Variants in CADM2 observed in about 807,000 individuals in gnomAD.
CADM2 encodes the protein immunoglobulin superfamily member 4D.
A neutral mutation model predicts 49.8 loss-of-function variants in CADM2; 12 were observed. The ratio of observed to expected loss-of-function variants is 0.24; its 90% confidence interval spans 0.15 to 0.39. CADM2 has a LOEUF of 0.39. Ranked by LOEUF, CADM2 falls within the 10% of genes least tolerant of loss-of-function variation. CADM2 has a pLI of 1.00. For missense variants in CADM2, 378 were observed against 492.3 expected, an observed-to-expected ratio of 0.77 and a Z score of 2.20; for synonymous variants, 214 against 175.4, an observed-to-expected ratio of 1.22 and a Z score of -1.74.
At chr3:85,242,288 T>A (rs1235503622) in intron 1 of CADM2, among the ~76,000 whole-genome samples, 1 of 151,434 alleles carries the variant, frequency 6.6e-6, no homozygotes, top group Admixed American at 6.6e-5. Flanking sequence ...CTGTTGTGTA[T>A]TTTTTTAATG....
At chr3:85,150,738 T>TAA (rs575341509) in intron 1 of CADM2, among the ~76,000 whole-genome samples, 1 of 142,140 alleles carries the variant, frequency 7.0e-6, no homozygotes, top group African/African-American at 2.6e-5. Flanking sequence ...CCGTCTCTAC[T>TAA]AAAAAAAAAA....
intron 1 of CADM2, among the ~76,000 whole-genome samples, chr3:85,022,962 CAA>C (rs970457166): frequency 3.3e-5 from 5 of 152,056 alleles, no homozygotes; most frequent in Non-Finnish European, 7.4e-5. Context: ...ATATATTATA[CAA>C]GTCTTTATAG....
At chr3:85,173,323 C>A (rs1358820079) in intron 1 of CADM2, among the ~76,000 whole-genome samples, 1 of 152,096 alleles carries the variant, frequency 6.6e-6, no homozygotes, top group Non-Finnish European at 1.5e-5. Context: ...GTTTTAAACT[C>A]TTCAAAATAA....
chr3:85,702,505 G>C (rs1321364035), intron 1 of CADM2, among the ~76,000 whole-genome samples: 1 of 151,916 alleles, frequency 6.6e-6, no homozygotes, highest in Non-Finnish European at 1.5e-5. Context: ...TGTCAATCAG[G>C]TTTCATCTTT....
intron 8 of CADM2, among the ~76,000 whole-genome samples, chr3:85,966,234 G>T (rs896776972): frequency 1.3e-5 from 2 of 151,630 alleles, no homozygotes; most frequent in Non-Finnish European, 2.9e-5. Flanking sequence ...ACTATCAATG[G>T]CAGGTCCAGA....
intron 1 of CADM2, among the ~76,000 whole-genome samples, chr3:85,219,515 A>G (rs1005892206): frequency 1.3e-5 from 2 of 152,320 alleles, no homozygotes; most frequent in Non-Finnish European, 2.9e-5. Context: ...TTATTTTTAT[A>G]TAAAAACCCT....
chr3:85,457,081 A>G (rs943634126), intron 1 of CADM2, among the ~76,000 whole-genome samples: 3 of 151,992 alleles, frequency 2.0e-5, no homozygotes, highest in Admixed American at 2.0e-4. Flanking sequence ...ATCACCCCAA[A>G]CTGTTTATCA....
intron 1 of CADM2, among the ~76,000 whole-genome samples, chr3:85,369,142 A>G (rs1291209423): frequency 6.6e-6 from 1 of 152,244 alleles, no homozygotes; most frequent in Non-Finnish European, 1.5e-5. Context: ...CTTATTTCCA[A>G]TTAAACAGTA....
intron 1 of CADM2, among the ~76,000 whole-genome samples, chr3:85,287,206 C>T (rs577984319): frequency 6.6e-6 from 1 of 151,954 alleles, no homozygotes; most frequent in South Asian, 2.1e-4. Context: ...GATGTTATTC[C>T]TGCATTAGTT....
At chr3:85,537,831 A>G (rs922434263) in intron 1 of CADM2, among the ~76,000 whole-genome samples, 1 of 152,092 alleles carries the variant, frequency 6.6e-6, no homozygotes, top group Non-Finnish European at 1.5e-5. Flanking sequence ...TATATATCAA[A>G]ATTTAACAGC....
chr3:85,166,813 G>T (rs73843301), intron 1 of CADM2, among the ~76,000 whole-genome samples: 1 of 151,736 alleles, frequency 6.6e-6, no homozygotes, highest in Admixed American at 6.6e-5. Context: ...TTAAATACTC[G>T]GATGATGAAA....
intron 1 of CADM2, among the ~76,000 whole-genome samples, chr3:85,526,540 T>A (rs35738543): frequency 1.3e-5 from 2 of 152,028 alleles, no homozygotes; most frequent in Non-Finnish European, 2.9e-5. Context: ...TCAGATGACC[T>A]GGATTAAAAT....
intron 1 of CADM2, among the ~76,000 whole-genome samples, chr3:85,092,457 C>T (rs1414879529): frequency 6.6e-6 from 1 of 152,032 alleles, no homozygotes; most frequent in Non-Finnish European, 1.5e-5. Context: ...ATATATATAT[C>T]ATGTTCACAA....
intron 2 of CADM2, among the ~76,000 whole-genome samples, chr3:85,790,774 CCCAGCTGCCAG>C (rs2071276412): frequency 6.6e-6 from 1 of 152,176 alleles, no homozygotes; most frequent in South Asian, 2.1e-4. Flanking sequence ...CCTTGCAAGA[CCCAGCTGCCAG>C]CCAGCTTTGT....
At chr3:85,446,376 T>C (rs923333617) in intron 1 of CADM2, among the ~76,000 whole-genome samples, 1 of 152,166 alleles carries the variant, frequency 6.6e-6, no homozygotes, top group Non-Finnish European at 1.5e-5. Context: ...GCATTATTTA[T>C]GTTAAAGCAA....
intron 8 of CADM2, among the ~76,000 whole-genome samples, chr3:86,033,005 T>A (rs1559813611): frequency 6.6e-6 from 1 of 151,908 alleles, no homozygotes; most frequent in Non-Finnish European, 1.5e-5. Context: ...CTTTTTCTTA[T>A]CTTTCATTGA....
At chr3:85,230,868 T>C (rs2042270750) in intron 1 of CADM2, among the ~76,000 whole-genome samples, 1 of 152,144 alleles carries the variant, frequency 6.6e-6, no homozygotes, top group Non-Finnish European at 1.5e-5. Context: ...AGGAAAACTG[T>C]ATGTTATTTT....
chr3:85,739,408 T>G (rs1348515823), intron 2 of CADM2, among the ~76,000 whole-genome samples: 1 of 152,102 alleles, frequency 6.6e-6, no homozygotes, highest in Non-Finnish European at 1.5e-5. Flanking sequence ...TATTAAAGTT[T>G]AAACAAATTA....
intron 1 of CADM2, among the ~76,000 whole-genome samples, chr3:85,634,899 A>C (rs2064415860): frequency 6.6e-6 from 1 of 151,986 alleles, no homozygotes; most frequent in South Asian, 2.1e-4. Flanking sequence ...TTTTTTTTAA[A>C]TGTGTATATG....
Sources: allele counts gnomAD v4.1 joint callset (sites outside exome capture counted in the v4.1 genomes callset), GRCh38; gene constraint gnomAD v4.1.1; transcripts MANE v1.5; gene names NCBI Gene and HGNC (gene_info 2026-07-23, HGNC 2026-07-21).